CDH13: variants seen among roughly 807,000 people sequenced by gnomAD.
CDH13 encodes cadherin-13.
CDH13 carries 24 observed loss-of-function variants against 63.8 expected under a neutral mutation model. The observed-to-expected ratio is 0.38, with a 90% confidence interval of 0.27 to 0.53. The LOEUF is 0.53. CDH13 is among the 20% of genes least tolerant of loss of function. The pLI is 0.85. For missense variants in CDH13, 1,049 were observed against 903.1 expected (o/e 1.16, Z -2.07); for synonymous variants, 503 against 355.3 (o/e 1.42, Z -4.67).
At chr16:82,867,083 G>A (rs1216431181) in intron 2 of CDH13, among the ~76,000 whole-genome samples, 3 of 152,144 alleles carry the variant, frequency 2.0e-5, no homozygotes, top group African/African-American at 4.8e-5. Flanking sequence ...TGTGTTGAGG[G>A]CCACCTCGAA....
chr16:82,713,108 A>T (rs771990398), intron 1 of CDH13, among the ~76,000 whole-genome samples: 2 of 152,002 alleles, frequency 1.3e-5, no homozygotes, highest in African/African-American at 2.4e-5. Flanking sequence ...TGGCAAAAAA[A>T]CAAGTTACCT....
intron 3 of CDH13, among the ~76,000 whole-genome samples, chr16:83,083,920 C>T (rs79876082): frequency 1.2e-4 from 18 of 152,298 alleles, no homozygotes; most frequent in Non-Finnish European, 2.4e-4. Flanking sequence ...AAAGATAGCT[C>T]CAGGTAAGTC....
intron 2 of CDH13, among the ~76,000 whole-genome samples, chr16:82,985,894 A>C (rs1172331124): frequency 6.6e-6 from 1 of 152,040 alleles, no homozygotes; most frequent in African/African-American, 2.4e-5. Flanking sequence ...TCTGTCTTGC[A>C]CCTGCTCTGG....
intron 6 of CDH13, among the ~76,000 whole-genome samples, chr16:83,456,270 C>T (rs1372730773): frequency 6.6e-6 from 1 of 152,186 alleles, no homozygotes; most frequent in African/African-American, 2.4e-5. Context: ...TGTCTCTGAA[C>T]ATTTCACTAA....
Position 83,733,255 on chromosome 16 carries a change from T to C in CDH13, c.1539-14853T>C, listed in dbSNP as rs529219641. On this transcript the variant is annotated intron_variant, in intron 10 of 13. Transcript: ENST00000567109. ...TCACAGAACAGCCAGCAGCATCACC[T>C]GTTTTGGTGATGGTGCCTCCGGATG... is the stretch of plus-strand genomic sequence containing the variant. Among the ~76,000 whole-genome samples the C allele has an allele frequency of 2.6e-5, 4 of 152,318 alleles. No homozygotes were observed. In the East Asian group the frequency reaches 5.8e-4, roughly 22 times the overall value.
chr16:83,687,282 G>A (rs764846137), intron 10 of CDH13, among the ~76,000 whole-genome samples: 2 of 152,150 alleles, frequency 1.3e-5, no homozygotes, highest in Non-Finnish European at 2.9e-5. Context: ...GCCTGAGACT[G>A]GGTAATTTAT....
At chr16:83,088,450 C>T (rs559133355) in intron 3 of CDH13, among the ~76,000 whole-genome samples, 13 of 152,242 alleles carry the variant, frequency 8.5e-5, no homozygotes, top group African/African-American at 2.6e-4. Context: ...AGTTGCCCAC[C>T]GAACCACAGA....
chr16:82,861,808 G>T (rs1055740726), intron 2 of CDH13, among the ~76,000 whole-genome samples: 1 of 152,034 alleles, frequency 6.6e-6, no homozygotes, highest in Non-Finnish European at 1.5e-5. Context: ...CAATATGCTG[G>T]GACCAAAACA....
At chr16:82,810,551 G>C (rs1039454885) in intron 1 of CDH13, among the ~76,000 whole-genome samples, 1 of 152,206 alleles carries the variant, frequency 6.6e-6, no homozygotes, top group Non-Finnish European at 1.5e-5. Flanking sequence ...TTCTGTGGTG[G>C]TGTAAGTAGC....
At chr16:83,220,706 T>G (rs2039672880) in intron 5 of CDH13, among the ~76,000 whole-genome samples, 1 of 150,414 alleles carries the variant, frequency 6.6e-6, no homozygotes, top group Non-Finnish European at 1.5e-5. Context: ...CAGGTGAATG[T>G]GTTGTCATCA....
intron 7 of CDH13, among the ~76,000 whole-genome samples, chr16:83,594,970 A>G (rs1297951025): frequency 6.6e-6 from 1 of 152,152 alleles, no homozygotes; most frequent in Non-Finnish European, 1.5e-5. Context: ...CAGACATACC[A>G]TCTTGCTTTT....
At chr16:83,091,415 G>T (rs1029150472) in intron 3 of CDH13, among the ~76,000 whole-genome samples, 3 of 152,200 alleles carry the variant, frequency 2.0e-5, no homozygotes, top group African/African-American at 7.2e-5. Context: ...ATGAGATGTT[G>T]CCATTCTCTA....
At chr16:83,247,493 C>T (rs1021022443) in intron 5 of CDH13, among the ~76,000 whole-genome samples, 1 of 8,216 alleles carries the variant, frequency 1.2e-4, no homozygotes, top group South Asian at 7.2e-3. Flanking sequence ...CATGCTGTCA[C>T]CACTTTTTTT....
intron 2 of CDH13, among the ~76,000 whole-genome samples, chr16:82,929,596 G>A (rs941523581): frequency 6.0e-5 from 8 of 133,544 alleles, no homozygotes; most frequent in Non-Finnish European, 1.1e-4. Context: ...AGCTTGCAGT[G>A]AGCAAACGTC....
At chr16:83,083,563 C>T (rs777680052) in intron 3 of CDH13, among the ~76,000 whole-genome samples, 2 of 152,100 alleles carry the variant, frequency 1.3e-5, no homozygotes, top group African/African-American at 4.8e-5. Flanking sequence ...ACACATCAGC[C>T]CCACCGAAAT....
chr16:82,682,491 A>C (rs1229017955), intron 1 of CDH13, among the ~76,000 whole-genome samples: 2 of 152,240 alleles, frequency 1.3e-5, no homozygotes, highest in Non-Finnish European at 2.9e-5. Context: ...GAAATACTCC[A>C]TTACATGTAT....
chr16:82,914,837 T>C (rs1297241401), intron 2 of CDH13, among the ~76,000 whole-genome samples: 1 of 152,208 alleles, frequency 6.6e-6, no homozygotes, highest in East Asian at 1.9e-4. Flanking sequence ...AATCAGACTC[T>C]CCAAATTTGT....
chr16:82,650,916 G>C (rs984146176), intron 1 of CDH13, among the ~76,000 whole-genome samples: 2 of 152,226 alleles, frequency 1.3e-5, no homozygotes, highest in African/African-American at 2.4e-5. Flanking sequence ...ATAAACAGGA[G>C]AGACAGGTGA....
intron 11 of CDH13, among the ~76,000 whole-genome samples, chr16:83,768,209 T>C (rs7205398): frequency 0.042 from 6,463 of 152,280 alleles, 174 homozygotes; most frequent in African/African-American, 0.074. Context: ...TTTTTAGTTA[T>C]GTCTATTAAT....
Sources: allele counts gnomAD v4.1 joint callset (sites outside exome capture counted in the v4.1 genomes callset), GRCh38; gene constraint gnomAD v4.1.1; transcripts MANE v1.5; gene names NCBI Gene and HGNC (gene_info 2026-07-23, HGNC 2026-07-21).